Variants in PRTFDC1 observed in about 807,000 individuals in gnomAD.
PRTFDC1 encodes the protein phosphoribosyltransferase domain-containing protein 1.
PRTFDC1 carries 38 observed loss-of-function variants against 34.6 expected under a neutral mutation model. The observed-to-expected ratio is 1.10, with a 90% CI of 0.85 to 1.44. PRTFDC1 has a LOEUF of 1.44. PRTFDC1 is among the 40% of genes most tolerant of loss of function. PRTFDC1 has a pLI of 0.00. For missense variants in PRTFDC1, 270 were observed against 283.0 expected (o/e 0.95, Z 0.33); for synonymous variants, 93 against 98.1 (o/e 0.95, Z 0.31).
chr10:24,873,289 G>A (rs1847907842), intron 3 of PRTFDC1, among the ~76,000 whole-genome samples: 1 of 152,092 alleles, frequency 6.6e-6, no homozygotes, highest in Admixed American at 6.6e-5. Flanking sequence ...ATGATAGAAT[G>A]ACACAGAGGC....
intron 3 of PRTFDC1, among the ~76,000 whole-genome samples, chr10:24,913,914 C>A (rs1470982112): frequency 6.6e-6 from 1 of 152,120 alleles, no homozygotes; most frequent in Non-Finnish European, 1.5e-5. Context: ...AATTCAGGGA[C>A]TGATGAAATT....
intron 3 of PRTFDC1, among the ~76,000 whole-genome samples, chr10:24,925,238 A>G (rs1446675021): frequency 6.6e-6 from 1 of 152,190 alleles, no homozygotes; most frequent in Non-Finnish European, 1.5e-5. Flanking sequence ...CAAACACTGC[A>G]TGTTCTCACT....
At chr10:24,851,349 T>A (rs1401742124) in intron 8 of PRTFDC1, 39 bp downstream of exon 8, 2 of 1,585,052 alleles carry the variant, frequency 1.3e-6, no homozygotes, top group Non-Finnish European at 1.7e-6. Flanking sequence ...GTTAAGTTCT[T>A]ATAAAAAGGG....
chr10:24,909,985 T>C (rs1376041662), intron 3 of PRTFDC1, among the ~76,000 whole-genome samples: 1 of 118,468 alleles, frequency 8.4e-6, no homozygotes, highest in Non-Finnish European at 1.7e-5. Flanking sequence ...ACCCTGTCTC[T>C]ATTAAAAATA....
At chr10:24,864,244 A>G (rs535718484) in intron 4 of PRTFDC1, among the ~76,000 whole-genome samples, 2 of 152,328 alleles carry the variant, frequency 1.3e-5, no homozygotes, top group African/African-American at 4.8e-5. Flanking sequence ...TGAAATGACA[A>G]CAAAGGGTTT....
rs775181647 is a variant in PRTFDC1 at position 24,942,456 on chromosome 10, G to T, written c.49-20C>A. On this transcript the variant is annotated intron_variant, in intron 1 of 8. Coordinates refer to ENST00000320152, the MANE Select transcript of PRTFDC1 (RefSeq NM_020200.7). ...CATAATCTGCAAATCAAATTATTTT[G>T]GTTATGGTATTTTTTCATCAGAAAT... 7.1e-5 allele frequency: 112 copies of T among 1,581,556 alleles called. 1 individual carries two copies. The highest frequency in any genetic ancestry group is 6.9e-4 in the East Asian group (31 of 44,718).
rs947149140 is a variant in PRTFDC1, at chr10:24,952,378, G to T, written c.48+150C>A. 2 of 867,338 alleles carry T rather than the reference G, an allele frequency of 2.3e-6. No homozygotes were observed. The highest frequency in any genetic ancestry group is 3.7e-6 in the Non-Finnish European group (2 of 544,526). The allele number at this position is 867,338 out of a possible 1,614,324, so 53.7% of individuals were successfully genotyped here. ...TTGGGGGCGGGGAGAGGAGGCCCGG[G>T]TCCGAGGATGGAAGCGATCCCCGCC... On this transcript the variant is annotated intron_variant, in intron 1 of 8. Coordinates refer to ENST00000320152, the MANE Select transcript of PRTFDC1 (RefSeq NM_020200.7). This position sits in a 1 kb window ranked among gnomAD's most constrained non-coding sequence, Gnocchi z 5.1.
intron 3 of PRTFDC1, among the ~76,000 whole-genome samples, chr10:24,890,011 A>G (rs1056153593): frequency 5.9e-5 from 9 of 152,336 alleles, no homozygotes; most frequent in Admixed American, 3.9e-4. Context: ...ATATTATCCA[A>G]GCAGAATCTG....
intron 3 of PRTFDC1, among the ~76,000 whole-genome samples, chr10:24,935,757 A>T (rs1849039990): frequency 6.6e-6 from 1 of 152,228 alleles, no homozygotes; most frequent in Non-Finnish European, 1.5e-5. Context: ...ATTCCGTCAG[A>T]CTTGAAGAAG....
rs113457140 is a variant in PRTFDC1, at chr10:24,903,099, G to C, written c.340-31036C>G. On this transcript the variant is annotated intron_variant, in intron 3 of 8. Transcript: ENST00000320152. ...TGTAATCCCAGCTATTCAGGAGGCT[G>C]AGACAGGAGAATCACTTGAACCTGG... Among the ~76,000 whole-genome samples, 1,013 of 152,318 alleles carry C rather than the reference G, an allele frequency of 6.7e-3. 9 individuals are homozygous for C. The highest frequency in any genetic ancestry group is 7.5e-3 in the Non-Finnish European group (508 of 68,032).
chr10:24,905,690 C>T (rs1405435870), intron 3 of PRTFDC1, among the ~76,000 whole-genome samples: 1 of 152,080 alleles, frequency 6.6e-6, no homozygotes, highest in Non-Finnish European at 1.5e-5. Flanking sequence ...TCTTCCTTAT[C>T]TCAGTGATGG....
intron 7 of PRTFDC1, among the ~76,000 whole-genome samples, chr10:24,852,752 G>T (rs1847511346): frequency 6.6e-6 from 1 of 151,962 alleles, no homozygotes; most frequent in African/African-American, 2.4e-5. Flanking sequence ...ATAGATGAGA[G>T]ATTTATTTGC....
chr10:24,918,708 C>T (rs1004464127), intron 3 of PRTFDC1, among the ~76,000 whole-genome samples: 2 of 152,158 alleles, frequency 1.3e-5, no homozygotes, highest in African/African-American at 4.8e-5. Context: ...AGCCACTATG[C>T]CTGGTCCAAT....
At chr10:24,947,715 C>T (rs572362171) in intron 1 of PRTFDC1, among the ~76,000 whole-genome samples, 238 of 152,192 alleles carry the variant, frequency 1.6e-3, no homozygotes, top group Non-Finnish European at 2.7e-3. Flanking sequence ...CTGCTCCTCT[C>T]CCCTGCTGAG....
intron 1 of PRTFDC1, among the ~76,000 whole-genome samples, chr10:24,944,769 C>G (rs1326326989): frequency 1.3e-5 from 2 of 152,112 alleles, no homozygotes; most frequent in Admixed American, 6.6e-5. Context: ...GGTGACAGAG[C>G]AAGACCTTGT....
chr10:24,927,575 G>A (rs1237913703), intron 3 of PRTFDC1, among the ~76,000 whole-genome samples: 2 of 145,680 alleles, frequency 1.4e-5, no homozygotes, highest in African/African-American at 5.3e-5. Context: ...GATATTGCGG[G>A]ACCCAATTTT....
At position 24,922,584 on chromosome 10, in the gene PRTFDC1, T is replaced by C. The variant is rs571431201; in HGVS notation, c.339+14600A>G. Among the ~76,000 whole-genome samples the C allele has an allele frequency of 5.3e-5, 8 of 152,300 alleles. No individual in the cohort carries two copies. The East Asian group carries it at 1.5e-3, about 29-fold the overall frequency. On this transcript the variant is annotated intron_variant, in intron 3 of 8. Coordinates refer to ENST00000320152, the MANE Select transcript of PRTFDC1 (RefSeq NM_020200.7). The stretch of plus-strand genomic sequence containing the variant: ...CTCTTGCCTGCCACCATGTAAGATA[T>C]GATTTTGCCCCTAATTTGCCTTCTG...
At chr10:24,904,141 A>C (rs1848494870) in intron 3 of PRTFDC1, among the ~76,000 whole-genome samples, 2 of 152,168 alleles carry the variant, frequency 1.3e-5, no homozygotes. Flanking sequence ...ACTAAAATTT[A>C]ACAGAGGTAG....
intron 3 of PRTFDC1, among the ~76,000 whole-genome samples, chr10:24,892,430 A>G (rs1848279374): frequency 6.6e-6 from 1 of 151,904 alleles, no homozygotes; most frequent in African/African-American, 2.4e-5. Context: ...CTTTTTCATA[A>G]TAGCCCTTCT....
Sources: allele counts gnomAD v4.1 joint callset (sites outside exome capture counted in the v4.1 genomes callset), GRCh38; gene constraint gnomAD v4.1.1; non-coding constraint Gnocchi (gnomAD v3.1); transcripts MANE v1.5; gene names NCBI Gene and HGNC (gene_info 2026-07-23, HGNC 2026-07-21).